DLG2: variants seen among roughly 807,000 people sequenced by gnomAD.
The protein encoded by DLG2 is discs large MAGUK scaffold protein 2, also known as disks large homolog 2.
DLG2 carries 45 observed loss-of-function variants against 132.5 expected under a neutral mutation model. That is an observed-to-expected ratio of 0.34 (90% confidence interval 0.27 to 0.44). The LOEUF is 0.44. DLG2 is among the 20% of genes least tolerant of loss of function. The probability of loss-of-function intolerance (pLI) is 1.00; values close to 1 mark genes in which losing one functional copy is unlikely to be tolerated. For missense variants in DLG2, 1,045 were observed against 1,196.9 expected (o/e 0.87, Z 1.87); for synonymous variants, 424 against 419.6 (o/e 1.01, Z -0.13).
At chr11:84,784,081 T>G (rs1037936938) in intron 6 of DLG2, among the ~76,000 whole-genome samples, 1 of 132,712 alleles carries the variant, frequency 7.5e-6, no homozygotes, top group African/African-American at 2.9e-5. Context: ...GTGGATCGCC[T>G]GAGGTCAGGA....
Position 83,641,862 on chromosome 11 carries a change from AGTGTGTGTGTGT to A in DLG2, c.1826-8549_1826-8538del, listed in dbSNP as rs34754104. Among the ~76,000 whole-genome samples the A allele has an allele frequency of 1.6e-4, 24 of 147,926 alleles. No individual in the cohort carries two copies. The East Asian group carries it at 4.4e-3, about 27-fold the overall frequency. On this transcript the variant is annotated intron_variant, in intron 18 of 27. Transcript: ENST00000376104. ...TGGCTTACAAATCCAAGAGAGAGGG[AGTGTGTGTGTGT>A]GTGTGTGTGTGTGTGTGTATGTGTG...
intron 6 of DLG2, among the ~76,000 whole-genome samples, chr11:84,912,172 C>T (rs1013661372): frequency 4.7e-5 from 7 of 147,382 alleles, no homozygotes; most frequent in African/African-American, 1.5e-4. Flanking sequence ...TATTTTAAGA[C>T]GGAGTCTCAC....
intron 16 of DLG2, among the ~76,000 whole-genome samples, chr11:83,868,316 G>A: frequency 6.6e-6 from 1 of 152,106 alleles, no homozygotes; most frequent in East Asian, 1.9e-4. Flanking sequence ...TCTTATTCAG[G>A]AGACAGGTCT....
At chr11:85,539,292 G>A (rs561715079) in intron 3 of DLG2, among the ~76,000 whole-genome samples, 1 of 149,492 alleles carries the variant, frequency 6.7e-6, no homozygotes, top group East Asian at 1.9e-4. Flanking sequence ...GCATAAAAAT[G>A]GACAGCTGTC....
intron 3 of DLG2, among the ~76,000 whole-genome samples, chr11:85,319,512 T>C (rs986135692): frequency 6.6e-6 from 1 of 151,880 alleles, no homozygotes; most frequent in African/African-American, 2.4e-5. Context: ...ATAATTTGTA[T>C]AAACACTATC....
At chr11:85,312,396 T>C (rs1417544878) in intron 3 of DLG2, among the ~76,000 whole-genome samples, 2 of 150,708 alleles carry the variant, frequency 1.3e-5, no homozygotes, top group Non-Finnish European at 3.0e-5. Context: ...TATAAGTATA[T>C]AATTATAATT....
intron 6 of DLG2, among the ~76,000 whole-genome samples, chr11:84,825,251 C>T (rs1210455658): frequency 5.9e-5 from 9 of 151,744 alleles, no homozygotes; most frequent in Non-Finnish European, 1.2e-4. Flanking sequence ...GTCTTGTGAT[C>T]AGATCATCTT....
chr11:83,622,418 C>A (rs2061781287), intron 19 of DLG2, among the ~76,000 whole-genome samples: 2 of 152,148 alleles, frequency 1.3e-5, no homozygotes, highest in South Asian at 2.1e-4. Context: ...AGGGACCTGG[C>A]TCATACAACT....
chr11:84,173,254 G>A (rs1566809303), intron 8 of DLG2, among the ~76,000 whole-genome samples: 1 of 152,204 alleles, frequency 6.6e-6, no homozygotes, highest in African/African-American at 2.4e-5. Context: ...AGAATAACAG[G>A]TGGTTTTAAT....
At chr11:85,302,646 T>TA (rs202166044) in intron 3 of DLG2, among the ~76,000 whole-genome samples, 6,783 of 105,826 alleles carry the variant, frequency 0.064, 189 homozygotes, top group Middle Eastern at 0.1. Flanking sequence ...CTTGAAAAGT[T>TA]AAAAAAAAAA....
At chr11:84,949,573 T>TTCC (rs1356143192) in intron 6 of DLG2, among the ~76,000 whole-genome samples, 1 of 152,114 alleles carries the variant, frequency 6.6e-6, no homozygotes, top group Non-Finnish European at 1.5e-5. Flanking sequence ...GCGCATTCTC[T>TTCC]TCCTCAGGGA....
At chr11:85,580,286 A>G (rs1053539816) in intron 3 of DLG2, among the ~76,000 whole-genome samples, 1 of 152,212 alleles carries the variant, frequency 6.6e-6, no homozygotes, top group African/African-American at 2.4e-5. Flanking sequence ...CCACATGACA[A>G]GAACTGTGGC....
At chr11:84,039,799 ACTTCCACAG>A (rs2096006371) in intron 11 of DLG2, among the ~76,000 whole-genome samples, 1 of 121,876 alleles carries the variant, frequency 8.2e-6, no homozygotes, top group Non-Finnish European at 1.9e-5. Context: ...CGCCACACTG[ACTTCCACAG>A]TGGTTGAACT....
At chr11:85,347,979 T>G (rs2082983244) in intron 3 of DLG2, among the ~76,000 whole-genome samples, 4 of 122,150 alleles carry the variant, frequency 3.3e-5, no homozygotes, top group Non-Finnish European at 6.9e-5. Flanking sequence ...TTTTTTTTTT[T>G]TTTTTTTTTT....
rs116444041 is a variant in DLG2 at position 83,781,357 on chromosome 11, G to T, written c.1825+5333C>A. 8.8e-3 allele frequency among the ~76,000 whole-genome samples: 1,332 copies of T among 152,094 alleles called. 17 individuals are homozygous for T. Among genetic ancestry groups the T allele is most frequent in the African/African-American group, 0.03 (1,257 of 41,460 alleles). ...GTTATTTCCTTATAACATGGACTGA[G>T]GCATAATAAGTATCCAGAAAAAAAA... On this transcript the variant is annotated intron_variant, in intron 18 of 27. Transcript: ENST00000376104.
At chr11:84,845,145 GAGA>G (rs1566129329) in intron 6 of DLG2, among the ~76,000 whole-genome samples, 1 of 152,084 alleles carries the variant, frequency 6.6e-6, no homozygotes, top group Non-Finnish European at 1.5e-5. Flanking sequence ...AATATCTCAG[GAGA>G]CAAGGGTTGG....
At chr11:85,339,616 A>G (rs968238020) in intron 3 of DLG2, among the ~76,000 whole-genome samples, 2 of 152,174 alleles carry the variant, frequency 1.3e-5, no homozygotes, top group African/African-American at 4.8e-5. Flanking sequence ...ATTTGTTCAT[A>G]TATTTCTGTG....
intron 3 of DLG2, among the ~76,000 whole-genome samples, chr11:85,460,880 C>T (rs2092586300): frequency 6.6e-6 from 1 of 152,272 alleles, no homozygotes; most frequent in South Asian, 2.1e-4. Flanking sequence ...GTCGATGATG[C>T]TGTTGGTTAG....
At chr11:84,117,678 GTTATA>G (rs2093699686) in intron 9 of DLG2, among the ~76,000 whole-genome samples, 1 of 152,040 alleles carries the variant, frequency 6.6e-6, no homozygotes, top group African/African-American at 2.4e-5. Flanking sequence ...ACATGTATCA[GTTATA>G]TTATAAGAAT....
Sources: gnomAD v4.1 joint callset for allele counts (sites outside exome capture counted in the v4.1 genomes callset) on GRCh38, gnomAD v4.1.1 for gene constraint, MANE v1.5 for transcripts, NCBI Gene and HGNC (gene_info 2026-07-23, HGNC 2026-07-21) for gene names.